Variants in CACNA2D3 observed in about 807,000 individuals in gnomAD.
CACNA2D3 encodes calcium voltage-gated channel auxiliary subunit alpha2delta 3, also known as voltage-dependent calcium channel subunit alpha-2/delta-3.
Under a neutral mutation model 160.6 loss-of-function variants are expected in CACNA2D3, and 60 were observed. The observed-to-expected ratio is 0.37, with a 90% CI of 0.30 to 0.46. CACNA2D3 has a LOEUF of 0.46. Ranked by LOEUF, CACNA2D3 falls within the 20% of genes least tolerant of loss-of-function variation. The probability of loss-of-function intolerance (pLI) is 1.00; values close to 1 mark genes in which losing one functional copy is unlikely to be tolerated. For missense variants in CACNA2D3, 1,205 were observed against 1,365.0 expected, an observed-to-expected ratio of 0.88 and a Z score of 1.85; for synonymous variants, 558 against 492.9, an observed-to-expected ratio of 1.13 and a Z score of -1.75.
At chr3:54,789,194 T>A (rs985617047) in intron 13 of CACNA2D3, among the ~76,000 whole-genome samples, 29 of 152,200 alleles carry the variant, frequency 1.9e-4, no homozygotes, top group African/African-American at 5.5e-4. Flanking sequence ...GGTATTATTG[T>A]TATCCCTATT....
intron 4 of CACNA2D3, among the ~76,000 whole-genome samples, chr3:54,398,243 C>T (rs1219532310): frequency 7.9e-6 from 1 of 126,954 alleles, no homozygotes; most frequent in African/African-American, 3.0e-5. Flanking sequence ...CTGAATACAG[C>T]ACACTGATGG....
intron 2 of CACNA2D3, among the ~76,000 whole-genome samples, chr3:54,247,960 A>T (rs1425436601): frequency 6.6e-6 from 1 of 152,180 alleles, no homozygotes; most frequent in African/African-American, 2.4e-5. Context: ...TATTCTCGAA[A>T]ACACCTAGGA....
At chr3:54,142,739 G>A (rs1309864327) in intron 2 of CACNA2D3, among the ~76,000 whole-genome samples, 1 of 152,166 alleles carries the variant, frequency 6.6e-6, no homozygotes, top group African/African-American at 2.4e-5. Flanking sequence ...ATATTTAACT[G>A]ATGAAGAAGC....
intron 35 of CACNA2D3, among the ~76,000 whole-genome samples, chr3:55,067,099 A>AGGGG (rs756096174): frequency 6.1e-5 from 9 of 146,590 alleles, no homozygotes; most frequent in Admixed American, 3.4e-4. Flanking sequence ...AATCTTTTGT[A>AGGGG]GCGGGGGGGG....
At chr3:54,186,515 T>C (rs1385837756) in intron 2 of CACNA2D3, among the ~76,000 whole-genome samples, 1 of 152,150 alleles carries the variant, frequency 6.6e-6, no homozygotes, top group African/African-American at 2.4e-5. Context: ...TCTGAAGGTG[T>C]ATTTTTCTCC....
At chr3:54,335,367 C>A (rs1024504105) in intron 3 of CACNA2D3, among the ~76,000 whole-genome samples, 2 of 152,140 alleles carry the variant, frequency 1.3e-5, no homozygotes, top group African/African-American at 2.4e-5. Flanking sequence ...GCTGGTTGCT[C>A]ATTTTTTTGT....
chr3:54,245,333 G>C (rs560732574), intron 2 of CACNA2D3, among the ~76,000 whole-genome samples: 19 of 152,138 alleles, frequency 1.2e-4, no homozygotes, highest in African/African-American at 4.3e-4. Flanking sequence ...GTGTGGGAGA[G>C]AGAGATTGAG....
chr3:54,812,855 A>G (rs901874272), intron 13 of CACNA2D3, among the ~76,000 whole-genome samples: 7 of 152,222 alleles, frequency 4.6e-5, no homozygotes, highest in Non-Finnish European at 8.8e-5. Context: ...CCTCACCTGT[A>G]AACTGAGAAG....
chr3:55,013,636 A>G lies in CACNA2D3; in HGVS notation c.2875+4193A>G, dbSNP rs560202866. On this transcript the variant is annotated intron_variant, in intron 34 of 37. Transcript: ENST00000474759. ...CATCTTTGTTTTAGCTAAAAATGGA[A>G]TCCATAATTACACTGTTTATCTGCT... Among the ~76,000 whole-genome samples the G allele has an allele frequency of 2.0e-5, 3 of 152,274 alleles. No individual in the cohort carries two copies. The East Asian group carries it at 5.8e-4, about 30-fold the overall frequency.
At chr3:54,985,813 T>C (rs557994073) in intron 30 of CACNA2D3, among the ~76,000 whole-genome samples, 2 of 152,302 alleles carry the variant, frequency 1.3e-5, no homozygotes, top group South Asian at 4.1e-4. Flanking sequence ...GGAATTGTGC[T>C]TTCATTTCCT....
intron 23 of CACNA2D3, 83 bp from the exon 24 acceptor site, chr3:54,887,876 T>C (rs3773594): frequency 0.14 from 141,408 of 987,012 alleles, 11,089 homozygotes; most frequent in African/African-American, 0.25. Context: ...AGCCTGCAGA[T>C]GCTGCACAAT....
intron 2 of CACNA2D3, among the ~76,000 whole-genome samples, chr3:54,163,586 G>C (rs953934262): frequency 1.3e-5 from 2 of 152,170 alleles, no homozygotes; most frequent in South Asian, 4.1e-4. Flanking sequence ...CAGCGGAGTG[G>C]GGGTGATTAA....
intron 29 of CACNA2D3, among the ~76,000 whole-genome samples, chr3:54,970,684 C>T (rs1234827001): frequency 2.1e-5 from 3 of 145,472 alleles, no homozygotes; most frequent in East Asian, 4.2e-4. Flanking sequence ...CCTACACATG[C>T]GCAATGGAAG....
intron 2 of CACNA2D3, chr3:54,273,011 C>A (rs1234182388): frequency 6.6e-6 from 1 of 152,332 alleles, no homozygotes; most frequent in Non-Finnish European, 1.5e-5. Context: ...TGCCATGGGC[C>A]GTGAGGACAG....
chr3:54,925,101 A>C (rs757969374), intron 27 of CACNA2D3: 2 of 1,614,138 alleles, frequency 1.2e-6, no homozygotes, highest in South Asian at 2.2e-5. Context: ...GATTTCGGCC[A>C]GACCCTGCTG....
At chr3:54,380,209 A>G (rs933216993) in intron 3 of CACNA2D3, among the ~76,000 whole-genome samples, 3 of 152,244 alleles carry the variant, frequency 2.0e-5, no homozygotes, top group Non-Finnish European at 4.4e-5. Context: ...GGGTTCCTGG[A>G]AACATCTTTT....
intron 29 of CACNA2D3, among the ~76,000 whole-genome samples, chr3:54,981,396 A>C (rs1702504228): frequency 6.6e-6 from 1 of 152,178 alleles, no homozygotes; most frequent in African/African-American, 2.4e-5. Context: ...CCATTTATCA[A>C]AACTTTACAG....
At chr3:54,143,178 G>T (rs570655842) in intron 2 of CACNA2D3, among the ~76,000 whole-genome samples, 11 of 152,288 alleles carry the variant, frequency 7.2e-5, no homozygotes, top group African/African-American at 2.4e-4. Context: ...TTCTTCCCAG[G>T]ATTGAAGAAG....
At chr3:54,222,221 TC>T (rs1486686008) in intron 2 of CACNA2D3, among the ~76,000 whole-genome samples, 1 of 152,180 alleles carries the variant, frequency 6.6e-6, no homozygotes, top group Non-Finnish European at 1.5e-5. Context: ...AAGCTGGGGA[TC>T]CAGGATAGCT....
Sources: gnomAD v4.1 joint callset for allele counts (sites outside exome capture counted in the v4.1 genomes callset) on GRCh38, gnomAD v4.1.1 for gene constraint, MANE v1.5 for transcripts, NCBI Gene and HGNC (gene_info 2026-07-23, HGNC 2026-07-21) for gene names.